The following PDK1 variants were observed in gnomAD, a reference collection of about 807,000 sequenced individuals.
PDK1 encodes pyruvate dehydrogenase kinase 1.
Under a neutral mutation model 54.2 loss-of-function variants are expected in PDK1, and 39 were observed. That is an observed-to-expected ratio of 0.72 (90% CI 0.56 to 0.94). The LOEUF is 0.94. Ranked by LOEUF, PDK1 falls within the 40% of genes least tolerant of loss-of-function variation. The pLI, the probability that PDK1 is intolerant of heterozygous loss-of-function variation, is 0.00. For missense variants in PDK1, 552 were observed against 566.0 expected, an observed-to-expected ratio of 0.98 and a Z score of 0.25; for synonymous variants, 221 against 207.1, an observed-to-expected ratio of 1.07 and a Z score of -0.58.
At chr2:172,647,599 A>T in the PDK1 span, among the ~76,000 whole-genome samples, 2 of 152,352 alleles carry the variant, frequency 1.3e-5, no homozygotes, top group Non-Finnish European at 2.9e-5. Context: ...TGAATGAATG[A>T]GTAAAAAATA....
chr2:172,566,416 G>A (rs1018257449), intron 5 of PDK1, among the ~76,000 whole-genome samples: 1 of 152,120 alleles, frequency 6.6e-6, no homozygotes, highest in Non-Finnish European at 1.5e-5. Context: ...TTAGCTGGGC[G>A]TGGTGACCCA....
intron 2 of PDK1, among the ~76,000 whole-genome samples, chr2:172,561,010 A>G (rs1414736171): frequency 6.6e-6 from 1 of 152,278 alleles, no homozygotes; most frequent in African/African-American, 2.4e-5. Flanking sequence ...AATTTAAAAA[A>G]GCAAAATATG....
the PDK1 span, among the ~76,000 whole-genome samples, chr2:172,649,491 G>A: frequency 2.0e-5 from 3 of 152,178 alleles, no homozygotes; most frequent in Admixed American, 6.5e-5. Context: ...TGACTTTGAC[G>A]AGTTGAGAGA....
the PDK1 span, among the ~76,000 whole-genome samples, chr2:172,687,081 A>G: frequency 6.6e-6 from 1 of 152,206 alleles, no homozygotes; most frequent in South Asian, 2.1e-4. Context: ...TGAAACAATA[A>G]TACCCATGTA....
the PDK1 span, among the ~76,000 whole-genome samples, chr2:172,632,731 C>T: frequency 3.3e-5 from 5 of 151,788 alleles, no homozygotes; most frequent in African/African-American, 1.2e-4. Flanking sequence ...CCTGTAATCC[C>T]AGTACTTTGG....
At chr2:172,665,153 TG>T in the PDK1 span, among the ~76,000 whole-genome samples, 1 of 131,412 alleles carries the variant, frequency 7.6e-6, no homozygotes, top group Non-Finnish European at 1.8e-5. Flanking sequence ...TGCCAAAGAA[TG>T]TTTTTTTTTT....
intron 7 of PDK1, 67 bp downstream of exon 7, chr2:172,568,884 C>A: frequency 1.1e-6 from 1 of 871,998 alleles, no homozygotes; most frequent in East Asian, 2.4e-5. Flanking sequence ...GCTCTGAAAG[C>A]CAAATATTCC....
At chr2:172,631,413 T>C in the PDK1 span, among the ~76,000 whole-genome samples, 1 of 152,252 alleles carries the variant, frequency 6.6e-6, no homozygotes, top group Non-Finnish European at 1.5e-5. Context: ...AGAACCAACC[T>C]TCTCTGCTTG....
Position 172,605,998 on chromosome 2 carries a change from G to C in PDK1, c.*10029G>C, listed in dbSNP as rs1336983986. The C allele has an allele frequency of 6.6e-6, 1 of 151,518 alleles. No individual in the cohort carries two copies. Among genetic ancestry groups the C allele is most frequent in the Non-Finnish European group, 1.5e-5 (1 of 67,980 alleles). 9.4% of individuals were successfully genotyped at this position (151,518 alleles called of 1,614,324 possible). ...GAGCCAGATTTTATACATACTTTGCGTGACCATAAAACTCTGTACTATTAT... is the reference window on the plus strand; with the variant it reads ...GAGCCAGATTTTATACATACTTTGCCTGACCATAAAACTCTGTACTATTAT... On this transcript the variant is annotated 3_prime_UTR_variant, in exon 11 of 11. Coordinates refer to ENST00000282077, the MANE Select transcript of PDK1 (RefSeq NM_002610.5).
downstream of PDK1, among the ~76,000 whole-genome samples, chr2:172,613,266 G>C (rs1036697779): frequency 6.6e-6 from 1 of 152,310 alleles, no homozygotes; most frequent in East Asian, 1.9e-4. Context: ...GTGTGGCCTT[G>C]CGTTGAAAGC....
chr2:172,645,644 G>T, the PDK1 span, among the ~76,000 whole-genome samples: 1 of 152,280 alleles, frequency 6.6e-6, no homozygotes, highest in East Asian at 1.9e-4. Flanking sequence ...GAGGATGGTT[G>T]TGCCTATGGT....
the PDK1 span, among the ~76,000 whole-genome samples, chr2:172,632,674 T>G: frequency 6.6e-6 from 1 of 152,088 alleles, no homozygotes; most frequent in Admixed American, 6.6e-5. Flanking sequence ...CACAAAATAA[T>G]GATGCATTAG....
the PDK1 span, among the ~76,000 whole-genome samples, chr2:172,660,183 G>A: frequency 2.8e-5 from 4 of 144,788 alleles, no homozygotes; most frequent in East Asian, 4.0e-4. Context: ...GATTAAAGGG[G>A]ATGGTTTGTA....
chr2:172,688,476 C>T, the PDK1 span, among the ~76,000 whole-genome samples: 4 of 152,150 alleles, frequency 2.6e-5, no homozygotes, highest in African/African-American at 4.8e-5. Context: ...GGTGTGTGAA[C>T]CAGTCCCAAG....
intron 8 of PDK1, among the ~76,000 whole-genome samples, chr2:172,581,516 A>G (rs1050145094): frequency 1.3e-5 from 2 of 152,180 alleles, no homozygotes; most frequent in Admixed American, 6.5e-5. Flanking sequence ...AAAATAAAAT[A>G]GAAAGGCTTG....
At chr2:172,621,573 ATAT>A in the PDK1 span, among the ~76,000 whole-genome samples, 16 of 146,866 alleles carry the variant, frequency 1.1e-4, no homozygotes, top group African/African-American at 3.7e-4. Context: ...TATTTATATT[ATAT>A]ATGATATATG....
rs989757645 is a variant in PDK1, at chr2:172,568,169, A to G, written c.770-572A>G. Among the ~76,000 whole-genome samples the G allele has an allele frequency of 2.6e-5, 4 of 152,014 alleles. No homozygotes were observed. The South Asian group carries it at 6.2e-4, about 24-fold the overall frequency. On this transcript the variant is annotated intron_variant, in intron 6 of 10. Transcript: ENST00000282077. Reference sequence around the variant, plus strand: ...CAATATGGTGAAACCCGTCTCTACTAAAAGAAAAATCAGCCAGGCGTGGTG... The same window carrying G: ...CAATATGGTGAAACCCGTCTCTACTGAAAGAAAAATCAGCCAGGCGTGGTG...
chr2:172,696,370 C>T, the PDK1 span, among the ~76,000 whole-genome samples: 2 of 152,138 alleles, frequency 1.3e-5, no homozygotes, highest in Non-Finnish European at 2.9e-5. Context: ...AGGCCAATAA[C>T]TCTGTGGCAA....
chr2:172,622,129 C>T, the PDK1 span, among the ~76,000 whole-genome samples: 136 of 104,032 alleles, frequency 1.3e-3, 2 homozygotes, highest in African/African-American at 3.7e-3. Flanking sequence ...GTTTATATCT[C>T]ATATTATGTG....
Sources: allele counts gnomAD v4.1 joint callset (sites outside exome capture counted in the v4.1 genomes callset), GRCh38; gene constraint gnomAD v4.1.1; transcripts MANE v1.5; gene names NCBI Gene and HGNC (gene_info 2026-07-23, HGNC 2026-07-21).